ETS1: variants seen among roughly 807,000 people sequenced by gnomAD.
ETS1 encodes the protein ETS proto-oncogene 1, transcription factor, also known as protein C-ets-1.
In ETS1, 15 loss-of-function variants were observed where a neutral mutation model predicts 58.6. The ratio of observed to expected loss-of-function variants is 0.26; its 90% CI spans 0.17 to 0.39. The LOEUF is 0.39. ETS1 is among the 10% of genes least tolerant of loss of function. ETS1 has a pLI of 1.00. For synonymous variants in ETS1, 214 were observed against 218.2 expected (o/e 0.98, Z 0.17); for missense variants, 417 against 610.5 (o/e 0.68, Z 3.34).
chr11:128,537,798 A>G (rs1863993673), intron 3 of ETS1, among the ~76,000 whole-genome samples: 1 of 152,198 alleles, frequency 6.6e-6, no homozygotes, highest in South Asian at 2.1e-4. Flanking sequence ...TTACAAACAC[A>G]AAAACAATAC....
intron 3 of ETS1, among the ~76,000 whole-genome samples, chr11:128,553,015 C>T (rs2135554572): frequency 1.3e-5 from 2 of 152,316 alleles, no homozygotes; most frequent in Middle Eastern, 3.4e-3. Flanking sequence ...AGAGAGGAGG[C>T]AGGGTCAGTG....
rs12287079 is a variant in ETS1 at position 128,504,164 on chromosome 11, C to T, written c.215-13588G>A. Among the ~76,000 whole-genome samples, 1,444 of 152,318 alleles carry T rather than the reference C, an allele frequency of 9.5e-3. 25 individuals carry two copies. The highest frequency in any genetic ancestry group is 0.033 in the African/African-American group (1,371 of 41,578). ...CATGCTTATGCTCCCTAAACCATTA[C>T]GCTCACTGCTAAACCTATCATACGA... is the stretch of plus-strand genomic sequence containing the variant. On this transcript the variant is annotated intron_variant, in intron 3 of 9. Transcript: ENST00000392668.
intron 2 of ETS1, among the ~76,000 whole-genome samples, chr11:128,572,732 A>T (rs1864662004): frequency 6.6e-6 from 1 of 152,214 alleles, no homozygotes; most frequent in African/African-American, 2.4e-5. Context: ...GTATAGGAAT[A>T]AGGTACCTCA....
At chr11:128,522,127 C>T (rs1795107887) in intron 3 of ETS1, 3 of 1,324,392 alleles carry the variant, frequency 2.3e-6, no homozygotes, top group Non-Finnish European at 2.9e-6. Flanking sequence ...TCTCAAATTC[C>T]CGCTGCCTTT....
intron 2 of ETS1, among the ~76,000 whole-genome samples, chr11:128,569,096 T>C (rs971230860): frequency 1.6e-4 from 25 of 152,138 alleles, no homozygotes; most frequent in African/African-American, 5.3e-4. Flanking sequence ...GATGGATAAT[T>C]GTTTGTCATA....
At chr11:128,512,453 G>A (rs1863416603) in intron 3 of ETS1, among the ~76,000 whole-genome samples, 1 of 152,188 alleles carries the variant, frequency 6.6e-6, no homozygotes, top group African/African-American at 2.4e-5. Context: ...GGGTAACTGC[G>A]ACAGACCTTT....
At chr11:128,532,527 G>A (rs1223971820) in intron 3 of ETS1, among the ~76,000 whole-genome samples, 1 of 152,122 alleles carries the variant, frequency 6.6e-6, no homozygotes, top group Non-Finnish European at 1.5e-5. Flanking sequence ...GTTTTCTGGG[G>A]GTGTTTAGTT....
At chr11:128,573,027 G>A (rs1343539659) in intron 2 of ETS1, 35 bp downstream of exon 2, 1 of 1,557,890 alleles carries the variant, frequency 6.4e-7, no homozygotes, top group East Asian at 2.3e-5. Flanking sequence ...AGAAGATTGT[G>A]TGGGCAAAGG....
At chr11:128,584,611 G>A (rs1591682423) in intron 1 of ETS1, among the ~76,000 whole-genome samples, 1 of 152,182 alleles carries the variant, frequency 6.6e-6, no homozygotes, top group East Asian at 1.9e-4. Flanking sequence ...GAAGAAGAAT[G>A]GATATGATAA....
chr11:128,532,367 A>G (rs1413839929), intron 3 of ETS1, among the ~76,000 whole-genome samples: 1 of 152,230 alleles, frequency 6.6e-6, no homozygotes, highest in Non-Finnish European at 1.5e-5. Context: ...TGCCATTTAC[A>G]TCAGCTATGT....
chr11:128,520,180 T>C (rs1863628233), intron 3 of ETS1, among the ~76,000 whole-genome samples: 1 of 152,254 alleles, frequency 6.6e-6, no homozygotes, highest in Admixed American at 6.5e-5. Context: ...GCCCAGAGCT[T>C]ATTTTTAATC....
intron 3 of ETS1, among the ~76,000 whole-genome samples, chr11:128,497,411 A>C (rs1273660006): frequency 6.6e-6 from 1 of 152,240 alleles, no homozygotes; most frequent in African/African-American, 2.4e-5. Context: ...TCCTGCAGCC[A>C]GGCCTGAGAA....
chr11:128,544,345 A>ATATATATATATATATG, intron 3 of ETS1, among the ~76,000 whole-genome samples: 1 of 142,192 alleles, frequency 7.0e-6, no homozygotes, highest in Admixed American at 7.0e-5. Flanking sequence ...TTACTAATAT[A>ATATATATATATATATG]TATATATATA....
intron 3 of ETS1, among the ~76,000 whole-genome samples, chr11:128,541,060 C>T (rs1486692749): frequency 6.6e-6 from 1 of 152,220 alleles, no homozygotes; most frequent in African/African-American, 2.4e-5. Flanking sequence ...CCCTCACCCT[C>T]AGTTTCACGT....
At chr11:128,472,841 C>T (rs563369203) in intron 8 of ETS1, among the ~76,000 whole-genome samples, 128 of 152,334 alleles carry the variant, frequency 8.4e-4, no homozygotes, top group African/African-American at 2.8e-3. Flanking sequence ...GCCTTCTCTT[C>T]GCTGCCTTTT....
At chr11:128,558,236 A>T (rs112988122) in intron 2 of ETS1, among the ~76,000 whole-genome samples, 32 of 152,220 alleles carry the variant, frequency 2.1e-4, no homozygotes, top group African/African-American at 7.2e-4. Context: ...TGCTGTTGCC[A>T]GGGGCCTTGA....
intron 3 of ETS1, among the ~76,000 whole-genome samples, chr11:128,513,596 A>G (rs1229286902): frequency 2.2e-5 from 3 of 135,576 alleles, no homozygotes; most frequent in African/African-American, 7.5e-5. Context: ...TTCGTGTCTT[A>G]ATGATGTGAG....
chr11:128,528,973 C>T (rs1340818902), intron 3 of ETS1: 2 of 152,178 alleles, frequency 1.3e-5, no homozygotes, highest in African/African-American at 4.8e-5. Flanking sequence ...TGATTGTCAG[C>T]CTGGACGTTT....
intron 3 of ETS1, among the ~76,000 whole-genome samples, chr11:128,499,495 A>T (rs941948475): frequency 1.8e-4 from 28 of 152,356 alleles, no homozygotes; most frequent in Admixed American, 1.8e-3. Flanking sequence ...CTTAACTAAG[A>T]TTATCAAACC....
Sources: gnomAD v4.1 joint callset for allele counts (sites outside exome capture counted in the v4.1 genomes callset) on GRCh38, gnomAD v4.1.1 for gene constraint, MANE v1.5 for transcripts, NCBI Gene and HGNC (gene_info 2026-07-23, HGNC 2026-07-21) for gene names.